The following RIC3 variants were observed in gnomAD, a reference collection of about 807,000 sequenced individuals.
The protein encoded by RIC3 is RIC3 acetylcholine receptor chaperone, also known as protein RIC-3.
RIC3 carries 28 observed loss-of-function variants against 27.3 expected under a neutral mutation model. The ratio of observed to expected loss-of-function variants is 1.02; its 90% CI spans 0.76 to 1.41. The LOEUF (loss-of-function observed/expected upper bound fraction) is 1.41, where lower values mean the gene tolerates loss of function less well. RIC3 is among the 40% of genes most tolerant of loss of function. The pLI is 0.00. For missense variants in RIC3, 501 were observed against 444.7 expected (o/e 1.13, Z -1.14); for synonymous variants, 184 against 160.4 (o/e 1.15, Z -1.11).
chr11:8,096,562 T>C, the RIC3 span: 1 of 720,120 alleles, frequency 1.4e-6, no homozygotes, highest in Middle Eastern at 2.4e-4. Context: ...GCTAAGAGTG[T>C]GTGCATAAGT....
Position 8,109,907 on chromosome 11 carries a change from G to A in RIC3, c.*791C>T, listed in dbSNP as rs1040141502. 9 of 152,396 alleles carry A rather than the reference G, an allele frequency of 5.9e-5. No homozygotes were observed. Among genetic ancestry groups the A allele is most frequent in the Non-Finnish European group, 1.3e-4 (9 of 68,264 alleles). 9.4% of individuals were successfully genotyped at this position (152,396 alleles called of 1,614,324 possible). On this transcript the variant is annotated 3_prime_UTR_variant, in exon 6 of 6. Transcript: ENST00000309737. ...CTCAAGTCTTGACTCTGCAGGGCAG[G>A]GTCTAAAGTCTCTATCTAAAGCTTC... is the stretch of plus-strand genomic sequence containing the variant.
At chr11:8,145,647 G>A (rs1290118382) in intron 1 of RIC3, among the ~76,000 whole-genome samples, 2 of 152,014 alleles carry the variant, frequency 1.3e-5, no homozygotes, top group Non-Finnish European at 2.9e-5. Context: ...TTGTGGGGAG[G>A]GGCAGAGGCA....
chr11:8,100,697 G>T, the RIC3 span: 1 of 1,515,444 alleles, frequency 6.6e-7, no homozygotes. Context: ...GTATGTGGAG[G>T]GGTACCATGT....
intron 4 of RIC3, among the ~76,000 whole-genome samples, chr11:8,134,523 G>T (rs1948128947): frequency 6.6e-6 from 1 of 152,168 alleles, no homozygotes. Context: ...TAATGGCATG[G>T]CTGGGTCAAA....
chr11:8,110,673 A>G lies in RIC3; in HGVS notation c.*25T>C. On this transcript the variant is annotated 3_prime_UTR_variant, in exon 6 of 6. Transcript: ENST00000309737. ...AGAGAGGTCACCTTGGGACTTGAGT[A>G]ATGGATACTTCAGACTGGCTGTTTT... 1 of 1,605,630 alleles carries G rather than the reference A, an allele frequency of 6.2e-7. No individual in the cohort carries two copies. Among genetic ancestry groups the G allele is most frequent in the East Asian group, 2.2e-5 (1 of 44,846 alleles).
intron 1 of RIC3, among the ~76,000 whole-genome samples, chr11:8,141,715 C>T (rs1949094037): frequency 1.3e-5 from 2 of 152,138 alleles, no homozygotes; most frequent in South Asian, 4.2e-4. Context: ...CCCAAATCAA[C>T]AGAATATACA....
rs200115129 is a variant in RIC3 at position 8,122,455 on chromosome 11, G to GTATATATATATATATATATATATATATA, written c.670+4203_670+4204insTATATATATATATATATATATATATATA. ...TATTGCTAAGTGTATACCACAGTGT[G>GTATATATATATATATATATATATATATA]TATATATATATGTACCACAGTTTAT... On this transcript the variant is annotated intron_variant, in intron 5 of 5. Transcript: ENST00000309737. Among the ~76,000 whole-genome samples, 500 of 151,654 alleles carry GTATATATATATATATATATATATATATA rather than the reference G, an allele frequency of 3.3e-3. 8 individuals carry two copies. The highest frequency in any genetic ancestry group is 0.027 in the Admixed American group (403 of 14,888).
At chr11:8,146,278 G>A (rs566431029) in intron 1 of RIC3, among the ~76,000 whole-genome samples, 1 of 152,156 alleles carries the variant, frequency 6.6e-6, no homozygotes, top group Non-Finnish European at 1.5e-5. Flanking sequence ...ATACCGTTAG[G>A]TTAAGAAAAA....
At chr11:8,134,849 T>C (rs1157201822) in intron 4 of RIC3, among the ~76,000 whole-genome samples, 2 of 152,244 alleles carry the variant, frequency 1.3e-5, no homozygotes, top group African/African-American at 2.4e-5. Flanking sequence ...GGTTGTTTTT[T>C]TCTTGTAAAT....
intron 1 of RIC3, among the ~76,000 whole-genome samples, chr11:8,164,974 T>C (rs1037500556): frequency 2.0e-5 from 3 of 152,136 alleles, no homozygotes; most frequent in Non-Finnish European, 2.9e-5. Context: ...ATTTCATTCC[T>C]ACTAGGATGG....
intron 1 of RIC3, among the ~76,000 whole-genome samples, chr11:8,168,609 A>AGGC: frequency 6.6e-6 from 1 of 152,338 alleles, no homozygotes; most frequent in Non-Finnish European, 1.5e-5. Flanking sequence ...GGAGTACGCA[A>AGGC]GGCCACCTAG....
chr11:8,101,861 G>T (rs569760785), downstream of RIC3: 3 of 568,548 alleles, frequency 5.3e-6, no homozygotes, highest in Non-Finnish European at 6.0e-6. Flanking sequence ...TCCATGCCAC[G>T]AGATCAACAC....
chr11:8,149,651 A>G (rs531850177), intron 1 of RIC3, among the ~76,000 whole-genome samples: 2 of 152,338 alleles, frequency 1.3e-5, no homozygotes, highest in East Asian at 3.9e-4. Flanking sequence ...TATAAACTAA[A>G]AATAAAATTC....
At chr11:8,136,280 A>C (rs1265115190) in intron 4 of RIC3, among the ~76,000 whole-genome samples, 1 of 152,218 alleles carries the variant, frequency 6.6e-6, no homozygotes, top group Non-Finnish European at 1.5e-5. Context: ...AAAGGATGGC[A>C]AATAGAGGCT....
At chr11:8,095,507 G>A in the RIC3 span, 25 of 1,609,792 alleles carry the variant, frequency 1.6e-5, no homozygotes, top group Non-Finnish European at 2.1e-5. Flanking sequence ...GGCACCAGCG[G>A]GCCAGCAGCA....
chr11:8,110,184 T>G lies in RIC3; in HGVS notation c.*514A>C. On this transcript the variant is annotated 3_prime_UTR_variant, in exon 6 of 6. Transcript: ENST00000309737. ...AGAGGCTTCAGCTTAGACAGCAGAG[T>G]CTTACCCTCCTCTGGGCCCATTAGC... 5.1e-6 allele frequency: 1 copy of G among 194,740 alleles called. No individual in the cohort carries two copies. The highest frequency in any genetic ancestry group is 1.1e-5 in the Non-Finnish European group (1 of 93,956). The allele number at this position is 194,740 out of a possible 1,614,324, so 12.1% of individuals were successfully genotyped here.
intron 1 of RIC3, among the ~76,000 whole-genome samples, chr11:8,152,849 T>C (rs11820921): frequency 0.077 from 11,687 of 152,056 alleles, 513 homozygotes; most frequent in South Asian, 0.11. Flanking sequence ...TACCTCAGGA[T>C]AGAAAACAAT....
intron 1 of RIC3, among the ~76,000 whole-genome samples, chr11:8,143,184 T>C (rs12290854): frequency 0.19 from 22,576 of 120,612 alleles, 282 homozygotes; most frequent in East Asian, 0.33. Context: ...CCAGGGCAAT[T>C]AGGCAGGAGA....
the RIC3 span, among the ~76,000 whole-genome samples, chr11:8,100,264 C>T: frequency 2.0e-4 from 30 of 150,864 alleles, no homozygotes; most frequent in Admixed American, 7.9e-4. Flanking sequence ...TTTGCCGGAG[C>T]GAGTGGAAGA....
Sources: allele counts gnomAD v4.1 joint callset (sites outside exome capture counted in the v4.1 genomes callset), GRCh38; gene constraint gnomAD v4.1.1; transcripts MANE v1.5; gene names NCBI Gene and HGNC (gene_info 2026-07-23, HGNC 2026-07-21).